C1orf87: variants seen among roughly 807,000 people sequenced by gnomAD.
C1orf87 encodes uncharacterized protein C1orf87.
In C1orf87, 58 loss-of-function variants were observed where a neutral mutation model predicts 60.5. The ratio of observed to expected loss-of-function variants is 0.96; its 90% CI spans 0.78 to 1.19. C1orf87 has a LOEUF of 1.19. C1orf87 is among the 50% of genes most tolerant of loss of function. The pLI is 0.00. For missense variants in C1orf87, 673 were observed against 638.6 expected, an observed-to-expected ratio of 1.05 and a Z score of -0.58; for synonymous variants, 236 against 227.4, an observed-to-expected ratio of 1.04 and a Z score of -0.34.
At chr1:60,040,581 C>G (rs1645315154) in intron 4 of C1orf87, among the ~76,000 whole-genome samples, 1 of 152,060 alleles carries the variant, frequency 6.6e-6, no homozygotes, top group East Asian at 1.9e-4. Context: ...TAACTGGGAG[C>G]ATAATGGCCC....
chr1:60,037,188 C>T (rs1422178769), intron 6 of C1orf87, among the ~76,000 whole-genome samples: 1 of 152,146 alleles, frequency 6.6e-6, no homozygotes, highest in African/African-American at 2.4e-5. Context: ...AAGATCCCTG[C>T]CAGCTCTAGG....
chr1:60,072,476 CA>C, intron 2 of C1orf87, 60 bp downstream of exon 2: 14 of 1,343,656 alleles, frequency 1.0e-5, no homozygotes, highest in Non-Finnish European at 1.3e-5. Context: ...TGGGTGAAAA[CA>C]AAACAATAAA....
chr1:60,009,389 T>A (rs1244903985), intron 9 of C1orf87, among the ~76,000 whole-genome samples: 1 of 152,076 alleles, frequency 6.6e-6, no homozygotes, highest in Non-Finnish European at 1.5e-5. Flanking sequence ...CACCTTGATT[T>A]TATATTTCCA....
intron 6 of C1orf87, among the ~76,000 whole-genome samples, chr1:60,036,914 C>T (rs1645281512): frequency 6.6e-6 from 1 of 152,160 alleles, no homozygotes; most frequent in Non-Finnish European, 1.5e-5. Flanking sequence ...GACTGAACAT[C>T]TTTTTGGAAT....
intron 9 of C1orf87, 150 bp downstream of exon 9, chr1:60,010,242 C>A: frequency 1.4e-6 from 1 of 707,606 alleles, no homozygotes; most frequent in South Asian, 1.8e-5. Flanking sequence ...TGATTCTAAC[C>A]CCCATTTTTC....
chr1:60,021,650 C>T (rs1645163908), intron 8 of C1orf87, among the ~76,000 whole-genome samples: 1 of 152,194 alleles, frequency 6.6e-6, no homozygotes, highest in African/African-American at 2.4e-5. Context: ...GCTCTAGACA[C>T]TTTGGATACA....
intron 2 of C1orf87, among the ~76,000 whole-genome samples, chr1:60,068,539 A>C (rs1574332746): frequency 6.6e-6 from 1 of 152,152 alleles, no homozygotes; most frequent in Non-Finnish European, 1.5e-5. Context: ...CTATCTCAAC[A>C]CCATCCAGTC....
chr1:60,064,849 T>C (rs1294571832), intron 2 of C1orf87, among the ~76,000 whole-genome samples: 1 of 87,028 alleles, frequency 1.1e-5, no homozygotes, highest in Non-Finnish European at 2.1e-5. Flanking sequence ...ATTATATATT[T>C]ATATATTTAT....
chr1:60,003,186 T>A (rs1371917728), intron 9 of C1orf87, among the ~76,000 whole-genome samples: 1 of 146,938 alleles, frequency 6.8e-6, no homozygotes, highest in Non-Finnish European at 1.5e-5. Context: ...ATGGATGAAA[T>A]TGGAAATCAT....
At chr1:60,011,640 A>G (rs1346682593) in intron 8 of C1orf87, among the ~76,000 whole-genome samples, 6 of 152,126 alleles carry the variant, frequency 3.9e-5, no homozygotes, top group Admixed American at 6.6e-5. Flanking sequence ...CATCTTGTCC[A>G]TCAGAAGACG....
At chr1:60,071,894 C>G (rs1053914416) in intron 2 of C1orf87, among the ~76,000 whole-genome samples, 1 of 152,176 alleles carries the variant, frequency 6.6e-6, no homozygotes, top group African/African-American at 2.4e-5. Context: ...GGAACGCCTA[C>G]TATATGAAAG....
At chr1:59,991,049 A>G (rs1644918428) in intron 11 of C1orf87, among the ~76,000 whole-genome samples, 1 of 152,192 alleles carries the variant, frequency 6.6e-6, no homozygotes, top group African/African-American at 2.4e-5. Flanking sequence ...ATTTCAGGGG[A>G]AAGAGAACAA....
rs12022760 is a variant in C1orf87, at chr1:60,064,664, T to G, written c.107+7873A>C. ...TGATATATTTTATATATTAAATATATAATTATATATAAATATATATTTATA... is the reference window on the plus strand; with the variant it reads ...TGATATATTTTATATATTAAATATAGAATTATATATAAATATATATTTATA... On this transcript the variant is annotated intron_variant, in intron 2 of 11. Transcript: ENST00000371201. Among the ~76,000 whole-genome samples the G allele has an allele frequency of 2.8e-5, 3 of 108,710 alleles. No homozygotes were observed. The East Asian group carries it at 7.1e-4, about 26-fold the overall frequency. The allele number at this position is 108,710 out of a possible 152,430, so 71.3% of individuals were successfully genotyped here. A position where few individuals can be genotyped will look rare whatever the true frequency, so the allele number is the denominator to read the frequency against.
At chr1:60,010,614 C>A (rs1329584993) in intron 8 of C1orf87, among the ~76,000 whole-genome samples, 158 bp from the exon 9 acceptor site, 1 of 151,882 alleles carries the variant, frequency 6.6e-6, no homozygotes, top group Non-Finnish European at 1.5e-5. Flanking sequence ...CTTTGTATAT[C>A]TTTATTAAAA....
In C1orf87 at chr1:60,055,233, C is replaced by A; in HGVS notation, c.313G>T (p.Ala105Ser). Residue 105 changes from alanine to serine, a missense_variant, in exon 3 of 12, where the codon GCA becomes TCA. Physicochemically the swap from Ala to Ser is moderately conservative, Grantham distance 99 (BLOSUM62 1). Coordinates refer to ENST00000371201, the MANE Select transcript of C1orf87 (RefSeq NM_152377.3). ...CCATCCAGGAATCTGCTACTGTTTG[C>A]CCCTGTTAGTAGTTTCTGGTTGTTT... The part of the protein sequence containing the change: ...SENNQKLLTG[A>S]NSSRFLDGNI... 6.2e-7 allele frequency: 1 copy of A among 1,613,994 alleles called. No individual in the cohort carries two copies. Among genetic ancestry groups the A allele is most frequent in the South Asian group, 1.1e-5 (1 of 91,064 alleles).
chr1:60,069,775 G>T (rs1445362754), intron 2 of C1orf87, among the ~76,000 whole-genome samples: 2 of 152,052 alleles, frequency 1.3e-5, no homozygotes, highest in Non-Finnish European at 2.9e-5. Context: ...CTGTGGCCCT[G>T]CCAAGATTCC....
intron 3 of C1orf87, among the ~76,000 whole-genome samples, chr1:60,043,571 G>C (rs1001271389): frequency 7.2e-5 from 11 of 151,998 alleles, no homozygotes; most frequent in Non-Finnish European, 1.5e-4. Flanking sequence ...ATTTTTAGTA[G>C]AGATGGGATT....
At chr1:60,011,958 T>C (rs1168926121) in intron 8 of C1orf87, among the ~76,000 whole-genome samples, 2 of 152,062 alleles carry the variant, frequency 1.3e-5, no homozygotes, top group African/African-American at 4.8e-5. Context: ...CTGATGACTA[T>C]ATCAGATGTG....
chr1:60,033,727 G>A, intron 6 of C1orf87, 86 bp from the exon 7 acceptor site: 2 of 1,454,584 alleles, frequency 1.4e-6, no homozygotes, highest in Non-Finnish European at 1.9e-6. Context: ...TCTCAACTTT[G>A]CTACACACTA....
Sources: allele counts gnomAD v4.1 joint callset (sites outside exome capture counted in the v4.1 genomes callset), GRCh38; gene constraint gnomAD v4.1.1; transcripts MANE v1.5; gene names NCBI Gene and HGNC (gene_info 2026-07-23, HGNC 2026-07-21).